The following KLRG2 variants were observed in gnomAD, a reference collection of about 807,000 sequenced individuals.
The protein encoded by KLRG2 is killer cell lectin-like receptor subfamily G member 2.
In KLRG2, 39 loss-of-function variants were observed where a neutral mutation model predicts 35.4. The observed-to-expected ratio is 1.10, with a 90% CI of 0.85 to 1.44. KLRG2 has a LOEUF of 1.44. Ranked by LOEUF, KLRG2 falls within the 40% of genes most tolerant of loss-of-function variation. KLRG2 has a pLI of 0.00. For missense variants in KLRG2, 632 were observed against 570.9 expected (o/e 1.11, Z -1.09); for synonymous variants, 283 against 265.8 (o/e 1.06, Z -0.63).
intron 3 of KLRG2, among the ~76,000 whole-genome samples, chr7:139,469,531 C>T (rs998574340): frequency 2.0e-5 from 3 of 152,000 alleles, no homozygotes; most frequent in South Asian, 2.1e-4. Flanking sequence ...CTGCAACCTC[C>T]GCCTCCTGGG....
chr7:139,468,768 C>T (rs1796709206), intron 3 of KLRG2, among the ~76,000 whole-genome samples: 1 of 152,172 alleles, frequency 6.6e-6, no homozygotes, highest in African/African-American at 2.4e-5. Flanking sequence ...AATTCTGTCA[C>T]CCTAAAGTTC....
the KLRG2 span, among the ~76,000 whole-genome samples, chr7:139,446,827 C>T: frequency 2.0e-5 from 3 of 152,070 alleles, no homozygotes; most frequent in African/African-American, 7.2e-5. Context: ...ACCTGCCTGC[C>T]TCCCTCTTAT....
At chr7:139,460,659 T>C (rs916090115) in intron 3 of KLRG2, among the ~76,000 whole-genome samples, 53 of 150,730 alleles carry the variant, frequency 3.5e-4, no homozygotes, top group African/African-American at 1.2e-3. Context: ...CAAGACCCTG[T>C]CTAAAAAAAA....
the KLRG2 span, among the ~76,000 whole-genome samples, chr7:139,445,677 C>T: frequency 6.7e-6 from 1 of 149,018 alleles, no homozygotes; most frequent in African/African-American, 2.6e-5. Flanking sequence ...GCAGATGGAT[C>T]GAGGGTTCTT....
the KLRG2 span, among the ~76,000 whole-genome samples, chr7:139,445,662 A>AG: frequency 6.6e-6 from 1 of 150,538 alleles, no homozygotes; most frequent in Non-Finnish European, 1.5e-5. Flanking sequence ...GTGAAATCAC[A>AG]GGGGGCAGAT....
chr7:139,428,206 C>A, the KLRG2 span, among the ~76,000 whole-genome samples: 8 of 151,976 alleles, frequency 5.3e-5, no homozygotes, highest in Non-Finnish European at 8.8e-5. Context: ...AGATAAAAAA[C>A]CGATAGTTAT....
At chr7:139,481,023 C>T (rs1249001146) in intron 1 of KLRG2, among the ~76,000 whole-genome samples, 3 of 152,004 alleles carry the variant, frequency 2.0e-5, no homozygotes, top group Non-Finnish European at 2.9e-5. Flanking sequence ...GGATTACAGG[C>T]GTGAGCCACC....
chr7:139,461,379 C>A (rs1796564061), intron 3 of KLRG2, among the ~76,000 whole-genome samples: 1 of 152,156 alleles, frequency 6.6e-6, no homozygotes, highest in Admixed American at 6.5e-5. Context: ...AGTTACTGAG[C>A]TTTTCTTTGC....
At chr7:139,466,830 AT>A (rs1158019324) in intron 3 of KLRG2, among the ~76,000 whole-genome samples, 2 of 150,522 alleles carry the variant, frequency 1.3e-5, no homozygotes, top group South Asian at 2.1e-4. Context: ...GGCCTGGTAT[AT>A]GACAACATAA....
the KLRG2 span, among the ~76,000 whole-genome samples, chr7:139,445,781 G>GTGTGTATATATATATATATATATA: frequency 1.2e-3 from 119 of 98,466 alleles, 10 homozygotes; most frequent in African/African-American, 8.6e-3. Flanking sequence ...ATATATATAT[G>GTGTGTATATATATATATATATATA]TATATATATA....
intron 3 of KLRG2, among the ~76,000 whole-genome samples, chr7:139,459,040 T>G (rs917171931): frequency 6.6e-6 from 1 of 152,254 alleles, no homozygotes; most frequent in Non-Finnish European, 1.5e-5. Context: ...TGCCTAGATC[T>G]TGAATCTTAG....
intron 3 of KLRG2, among the ~76,000 whole-genome samples, chr7:139,477,638 GAA>G (rs1796873861): frequency 1.3e-5 from 2 of 152,268 alleles, no homozygotes; most frequent in East Asian, 1.9e-4. Flanking sequence ...TGTACAAGAC[GAA>G]AAGAGTTCAG....
rs1376016053 is a variant in KLRG2 at position 139,483,004 on chromosome 7, CG to C, written c.638del (p.Pro213ArgfsTer37). ...TGCAGCGGCAGCACGTGGGGGAGCC[CG>C]GGGAGCCGGCGCTTCCTTCCGCGGG... ...ASPAEGSAGS[P>X]GSPTCCRCKE... On this transcript the variant is annotated frameshift_variant, in exon 1 of 5. Coordinates refer to ENST00000340940, the MANE Select transcript of KLRG2 (RefSeq NM_198508.4). LOFTEE classifies it high-confidence loss of function. 7.3e-7 allele frequency: 1 copy of C among 1,377,170 alleles called. No homozygotes were observed. The highest frequency in any genetic ancestry group is 3.8e-5 in the Admixed American group (1 of 26,458). The allele number at this position is 1,377,170 out of a possible 1,614,324, so 85.3% of individuals were successfully genotyped here.
At chr7:139,440,619 T>C in the KLRG2 span, among the ~76,000 whole-genome samples, 1 of 151,614 alleles carries the variant, frequency 6.6e-6, no homozygotes, top group East Asian at 1.9e-4. Context: ...AATGATCTCA[T>C]CTATTTTTTA....
intron 2 of KLRG2, 36 bp downstream of exon 2, chr7:139,480,110 C>A: frequency 7.4e-7 from 1 of 1,358,882 alleles, no homozygotes; most frequent in Non-Finnish European, 1.1e-6. Flanking sequence ...AGTGGAGCGG[C>A]AGGGAGAGGG....
chr7:139,472,094 G>A (rs2116464799), intron 3 of KLRG2, among the ~76,000 whole-genome samples: 1 of 152,262 alleles, frequency 6.6e-6, no homozygotes, highest in African/African-American at 2.4e-5. Flanking sequence ...AATCCCAGAA[G>A]AAACAAAAGC....
chr7:139,427,743 C>G, the KLRG2 span, among the ~76,000 whole-genome samples: 3 of 152,196 alleles, frequency 2.0e-5, no homozygotes, highest in Middle Eastern at 3.2e-3. Flanking sequence ...GAACCTCTCG[C>G]AACCTTTTTC....
At position 139,483,397 on chromosome 7, in the gene KLRG2, C is replaced by A; in HGVS notation, c.246G>T (p.Pro82=). ...GGCAGACCCCGTAGCCCAGGCTGAG[C>A]GGCGGCACGCGCGGGGACCCGGGGC... ...SPRPGSPRVP[P]LSLGYGVCPE... The change falls in exon 1 of 5, where the codon CCG becomes CCT. Residue 82 remains proline (P), a synonymous_variant. Transcript: ENST00000340940. 7 of 1,538,976 alleles carry A rather than the reference C, an allele frequency of 4.5e-6. No homozygotes were observed. Among genetic ancestry groups the A allele is most frequent in the African/African-American group, 1.4e-5 (1 of 70,578 alleles).
At chr7:139,454,733 T>G (rs2116424042) in intron 3 of KLRG2, among the ~76,000 whole-genome samples, 1 of 151,640 alleles carries the variant, frequency 6.6e-6, no homozygotes, top group Admixed American at 6.6e-5. Context: ...GGAGAATCGC[T>G]TGAGCCCAGG....
Sources: allele counts gnomAD v4.1 joint callset (sites outside exome capture counted in the v4.1 genomes callset), GRCh38; gene constraint gnomAD v4.1.1; transcripts MANE v1.5; gene names NCBI Gene and HGNC (gene_info 2026-07-23, HGNC 2026-07-21).